ANKRD13B: variants seen among roughly 807,000 people sequenced by gnomAD.
ANKRD13B encodes the protein ankyrin repeat domain-containing protein 13B.
In ANKRD13B, 33 loss-of-function variants were observed where a neutral mutation model predicts 74.4. That is an observed-to-expected ratio of 0.44 (90% confidence interval 0.34 to 0.59). The LOEUF is 0.59. Among genes scored for constraint, ANKRD13B ranks in the 20% least tolerant of loss-of-function variants. ANKRD13B has a pLI of 0.02. For synonymous variants in ANKRD13B, 341 were observed against 362.9 expected (o/e 0.94, Z 0.68); for missense variants, 676 against 877.9 (o/e 0.77, Z 2.91).
chr17:29,611,590 C>T lies in ANKRD13B; in HGVS notation c.916C>T (p.Pro306Ser). ...CACATTTCTTGTAGGCTGTAAGACA[C>T]CTTTGCAGTCCTTCCTGGGAATCGC... ...HKGKVKGCKT[P>S]LQSFLGIAEQ... Residue 306 changes from proline to serine, a missense_variant, in exon 9 of 15, where the codon CCT becomes TCT. By Grantham distance (74) the Pro-to-Ser change is moderately conservative (BLOSUM62 -1). Around this residue, in one of 4 missense-constraint regions of ANKRD13B, gnomAD observed 328 missense variants for 518.4 expected, o/e 0.63. Transcript: ENST00000394859. The surrounding 1 kb of genome is among the most constrained non-coding windows in gnomAD (Gnocchi z 4.3). The T allele has an allele frequency of 6.2e-7, 1 of 1,614,152 alleles. No homozygotes were observed. Among genetic ancestry groups the T allele is most frequent in the South Asian group, 1.1e-5 (1 of 91,092 alleles).
At position 29,609,457 on chromosome 17, in the gene ANKRD13B, A is replaced by T; in HGVS notation, c.822+36A>T. On this transcript the variant is annotated intron_variant, in intron 7 of 14. Coordinates refer to ENST00000394859, the MANE Select transcript of ANKRD13B (RefSeq NM_152345.5). The surrounding 1 kb of genome is among the most constrained non-coding windows in gnomAD (Gnocchi z 4.0). ...AGCTCCCAGCTGCCAGCCCAGCTGC[A>T]CTCTTGCCTACAGCAAGCTGTACAG... The T allele has an allele frequency of 1.2e-6, 2 of 1,609,622 alleles. No homozygotes were observed. The highest frequency in any genetic ancestry group is 1.7e-6 in the Non-Finnish European group (2 of 1,177,964).
In ANKRD13B at chr17:29,593,746, C is replaced by T; in HGVS notation, c.114+11C>T. ...GTCCGCGCGGGCCAGGTAGGAGCGCCTTCGGGGCGCCGCGGGGACCCCGCG... is the reference window on the plus strand; with the variant it reads ...GTCCGCGCGGGCCAGGTAGGAGCGCTTTCGGGGCGCCGCGGGGACCCCGCG... On this transcript the variant is annotated intron_variant, in intron 1 of 14. Transcript: ENST00000394859. 7.3e-7 allele frequency: 1 copy of T among 1,377,214 alleles called. No homozygotes were observed. The highest frequency in any genetic ancestry group is 9.5e-7 in the Non-Finnish European group (1 of 1,056,552). The allele number at this position is 1,377,214 out of a possible 1,614,324, so 85.3% of individuals were successfully genotyped here.
chr17:29,609,086 A>G lies in ANKRD13B; in HGVS notation c.566A>G (p.Asp189Gly), dbSNP rs754540447. The G allele has an allele frequency of 1.9e-6, 3 of 1,610,508 alleles. No individual in the cohort carries two copies. The highest frequency in any genetic ancestry group is 2.5e-6 in the Non-Finnish European group (3 of 1,179,394). The change falls in exon 6 of 15, where the codon GAC (aspartate) becomes GGC (glycine). Residue 189 changes from aspartate (D) to glycine (G), a missense_variant and splice_region_variant. Transcript: ENST00000394859. The surrounding 1 kb of genome is among the most constrained non-coding windows in gnomAD (Gnocchi z 4.0). ...GNRSFVFRGQDTSAVVMEIDH... is the reference protein window; with the variant it reads ...GNRSFVFRGQGTSAVVMEIDH... ...CCCTGTGCTGTTCCGTGTCTGGCAG[A>G]CACAAGCGCCGTGGTCATGGAGATT...
At position 29,608,705 on chromosome 17, in the gene ANKRD13B, G is replaced by A; in HGVS notation, c.422-146G>A. 1 of 1,175,834 alleles carries A rather than the reference G, an allele frequency of 8.5e-7. No individual in the cohort carries two copies. The allele number at this position is 1,175,834 out of a possible 1,614,324, so 72.8% of individuals were successfully genotyped here. ...TGTGAGTATGGTCTACACTGGCCAG[G>A]GAGGGGGTTTTGGAGGAGAGGCTGC... On this transcript the variant is annotated intron_variant, in intron 4 of 14. Coordinates refer to ENST00000394859, the MANE Select transcript of ANKRD13B (RefSeq NM_152345.5). This position sits in a 1 kb window ranked among gnomAD's most constrained non-coding sequence, Gnocchi z 6.4.
chr17:29,613,588 C>T lies in ANKRD13B; in HGVS notation c.*6C>T. ...TCTCACTGACCGAGCAGTAGCGCCC[C>T]CTGCCGGGACCCTCGCCAGCGCCAC... On this transcript the variant is annotated 3_prime_UTR_variant, in exon 15 of 15. Coordinates refer to ENST00000394859, the MANE Select transcript of ANKRD13B (RefSeq NM_152345.5). 1 of 1,424,016 alleles carries T rather than the reference C, an allele frequency of 7.0e-7. No individual in the cohort carries two copies. The highest frequency in any genetic ancestry group is 1.5e-5 in the African/African-American group (1 of 67,170). The allele number at this position is 1,424,016 out of a possible 1,614,324, so 88.2% of individuals were successfully genotyped here. A position where few individuals can be genotyped will look rare whatever the true frequency, so the allele number is the denominator to read the frequency against.
rs771066018 is a variant in ANKRD13B at position 29,611,946 on chromosome 17, A to G, written c.1040A>G (p.Asn347Ser). ...AITAEEYFNPNFELGNRDMGR... is the reference protein window; with the variant it reads ...AITAEEYFNPSFELGNRDMGR... ...ACTGCAGAAGAATACTTCAACCCCA[A>G]CTTTGAGCTGGGCAACCGTGATATG... The change falls in exon 10 of 15, where the codon AAC becomes AGC. Residue 347 changes from asparagine (N) to serine (S), a missense_variant. Coordinates refer to ENST00000394859, the MANE Select transcript of ANKRD13B (RefSeq NM_152345.5). This position sits in a 1 kb window ranked among gnomAD's most constrained non-coding sequence, Gnocchi z 4.3. The G allele has an allele frequency of 1.1e-5, 17 of 1,613,792 alleles. No homozygotes were observed. In the East Asian group the frequency reaches 3.1e-4, roughly 30 times the overall value.
chr17:29,613,864 T>A lies in ANKRD13B; in HGVS notation c.*282T>A, dbSNP rs1160040700. On this transcript the variant is annotated 3_prime_UTR_variant, in exon 15 of 15. Coordinates refer to ENST00000394859, the MANE Select transcript of ANKRD13B (RefSeq NM_152345.5). ...CCCTGGGCTCAGATCTGTCCTGTCC[T>A]AGGGCGGAGCCAGGCGGTCCTGAGG... 6.9e-6 allele frequency: 3 copies of A among 435,798 alleles called. No individual in the cohort carries two copies. The highest frequency in any genetic ancestry group is 1.2e-5 in the Non-Finnish European group (3 of 252,198). 27.0% of individuals were successfully genotyped at this position (435,798 alleles called of 1,614,324 possible).
intron 1 of ANKRD13B, among the ~76,000 whole-genome samples, chr17:29,594,304 A>G (rs2033876183): frequency 6.6e-6 from 1 of 152,192 alleles, no homozygotes; most frequent in East Asian, 1.9e-4. Flanking sequence ...GGAGGCCCCA[A>G]GGGCCTTGTC....
rs2034565093 is a variant in ANKRD13B at position 29,611,122 on chromosome 17, G to A, written c.904+356G>A. Among the ~76,000 whole-genome samples, 1 of 152,216 alleles carries A rather than the reference G, an allele frequency of 6.6e-6. No homozygotes were observed. Among genetic ancestry groups the A allele is most frequent in the Admixed American group, 6.5e-5 (1 of 15,288 alleles). ...GTCAGGGGACCTTGCCACAGATTCT[G>A]TATGCCCATTGATGCCACACCTGAT... On this transcript the variant is annotated intron_variant, in intron 8 of 14. Coordinates refer to ENST00000394859, the MANE Select transcript of ANKRD13B (RefSeq NM_152345.5). The surrounding 1 kb of genome is among the most constrained non-coding windows in gnomAD (Gnocchi z 4.3).
intron 1 of ANKRD13B, among the ~76,000 whole-genome samples, chr17:29,603,694 A>G (rs751259426): frequency 6.6e-6 from 1 of 152,066 alleles, no homozygotes; most frequent in Non-Finnish European, 1.5e-5. Context: ...CAGTTACTGT[A>G]CTTACTATCT....
Position 29,607,654 on chromosome 17 carries a change from G to A in ANKRD13B, c.115-88G>A, listed in dbSNP as rs1306586985. On this transcript the variant is annotated intron_variant, in intron 1 of 14. Coordinates refer to ENST00000394859, the MANE Select transcript of ANKRD13B (RefSeq NM_152345.5). ...AGAGCAGCCCCAGCAGGGGGTGGGGGTTGCTGCCTGCTCCAGGGCTGTCTG... is the reference window on the plus strand; with the variant it reads ...AGAGCAGCCCCAGCAGGGGGTGGGGATTGCTGCCTGCTCCAGGGCTGTCTG... 4 of 1,505,748 alleles carry A rather than the reference G, an allele frequency of 2.7e-6. No homozygotes were observed. In the African/African-American group the frequency reaches 4.1e-5, roughly 16 times the overall value. The allele number at this position is 1,505,748 out of a possible 1,614,324, so 93.3% of individuals were successfully genotyped here. A position where few individuals can be genotyped will look rare whatever the true frequency, so the allele number is the denominator to read the frequency against.
Position 29,611,469 on chromosome 17 carries a change from C to G in ANKRD13B, c.905-110C>G. 1 of 1,147,386 alleles carries G rather than the reference C, an allele frequency of 8.7e-7. No individual in the cohort carries two copies. Among genetic ancestry groups the G allele is most frequent in the South Asian group, 1.3e-5 (1 of 75,992 alleles). The allele number at this position is 1,147,386 out of a possible 1,614,324, so 71.1% of individuals were successfully genotyped here. A position where few individuals can be genotyped will look rare whatever the true frequency, so the allele number is the denominator to read the frequency against. On this transcript the variant is annotated intron_variant, in intron 8 of 14. Coordinates refer to ENST00000394859, the MANE Select transcript of ANKRD13B (RefSeq NM_152345.5). This position sits in a 1 kb window ranked among gnomAD's most constrained non-coding sequence, Gnocchi z 4.3. ...GAGTATGTGGTTGGGTGAGCAGGCC[C>G]CACCCCAGGAACCGGCCTCCTCCCT...
chr17:29,606,991 A>G (rs1248620280), intron 1 of ANKRD13B, among the ~76,000 whole-genome samples: 1 of 152,058 alleles, frequency 6.6e-6, no homozygotes, highest in East Asian at 1.9e-4. Flanking sequence ...CGGAGGTTAC[A>G]GCGAGCTGAT....
At chr17:29,602,643 G>C (rs1215899535) in intron 1 of ANKRD13B, among the ~76,000 whole-genome samples, 2 of 152,038 alleles carry the variant, frequency 1.3e-5, no homozygotes, top group Non-Finnish European at 2.9e-5. Flanking sequence ...TGGATTTAGG[G>C]CCCCCTGGGT....
intron 1 of ANKRD13B, among the ~76,000 whole-genome samples, chr17:29,596,433 C>T (rs1212325016): frequency 6.6e-6 from 1 of 152,224 alleles, no homozygotes; most frequent in Non-Finnish European, 1.5e-5. Context: ...GCCAGTTCCC[C>T]CTTGCCTGGC....
chr17:29,613,499 G>C lies in ANKRD13B; in HGVS notation c.1798G>C (p.Glu600Gln). The C allele has an allele frequency of 3.3e-6, 5 of 1,531,650 alleles. No individual in the cohort carries two copies. The highest frequency in any genetic ancestry group is 4.4e-6 in the Non-Finnish European group (5 of 1,141,120). The allele number at this position is 1,531,650 out of a possible 1,614,324, so 94.9% of individuals were successfully genotyped here. ...GCTGGCGATGGAACTGTCGGCGCAG[G>C]AGCAGGAGGAGAGGCGGCGGCGCGC... The part of the protein sequence containing the change: ...LRLAMELSAQ[E>Q]QEERRRRARQ... Residue 600 changes from glutamate (E) to glutamine (Q), a missense_variant, in exon 15 of 15, where the codon GAG (glutamate) becomes CAG (glutamine). Coordinates refer to ENST00000394859, the MANE Select transcript of ANKRD13B (RefSeq NM_152345.5).
chr17:29,610,201 A>T (rs2150900164), intron 7 of ANKRD13B, among the ~76,000 whole-genome samples: 1 of 151,882 alleles, frequency 6.6e-6, no homozygotes, highest in Admixed American at 6.6e-5. Context: ...AAAAAAAAAA[A>T]AAAAAAAAGG....
Position 29,612,871 on chromosome 17 carries a change from C to A in ANKRD13B, c.1576-16C>A, listed in dbSNP as rs1350722079. 1 of 1,599,332 alleles carries A rather than the reference C, an allele frequency of 6.3e-7. No homozygotes were observed. Among genetic ancestry groups the A allele is most frequent in the Non-Finnish European group, 8.5e-7 (1 of 1,179,360 alleles). On this transcript the variant is annotated splice_polypyrimidine_tract_variant and intron_variant, in intron 13 of 14. Transcript: ENST00000394859. The surrounding 1 kb of genome is among the most constrained non-coding windows in gnomAD (Gnocchi z 6.1). ...GACTCCGCGCCGCCACGGCTAACGC[C>A]CACGCCTCCCCGCAGGTCACCATCT...
intron 14 of ANKRD13B, 50 bp from the exon 15 acceptor site, chr17:29,613,304 C>CGGTG (rs762597237): frequency 7.2e-7 from 1 of 1,385,342 alleles, no homozygotes; most frequent in South Asian, 1.6e-5. Flanking sequence ...CGGCCCCGGC[C>CGGTG]GGTGGGTGGG....
Sources: allele counts gnomAD v4.1 joint callset (sites outside exome capture counted in the v4.1 genomes callset), GRCh38; gene constraint gnomAD v4.1.1; regional missense constraint gnomAD v4.1.1; non-coding constraint Gnocchi (gnomAD v3.1); transcripts MANE v1.5; gene names NCBI Gene and HGNC (gene_info 2026-07-23, HGNC 2026-07-21).